Variants in ARHGAP15 observed in about 807,000 individuals in gnomAD.
ARHGAP15 encodes rho GTPase-activating protein 15.
In ARHGAP15, 51 loss-of-function variants were observed where a neutral mutation model predicts 63.7. The observed-to-expected ratio is 0.80, with a 90% CI of 0.64 to 1.01. The LOEUF is 1.01. Among genes scored for constraint, ARHGAP15 ranks in the 50% least tolerant of loss-of-function variants. The pLI is 0.00. For missense variants in ARHGAP15, 560 were observed against 564.6 expected (o/e 0.99, Z 0.08); for synonymous variants, 191 against 193.8 (o/e 0.99, Z 0.12).
intron 6 of ARHGAP15, among the ~76,000 whole-genome samples, chr2:143,324,338 G>C (rs564969667): frequency 6.6e-6 from 1 of 152,232 alleles, no homozygotes; most frequent in Admixed American, 6.5e-5. Flanking sequence ...TGGAAAAATA[G>C]TCAATGGTTT....
At chr2:143,687,211 G>A (rs1212334528) in intron 12 of ARHGAP15, among the ~76,000 whole-genome samples, 1 of 150,724 alleles carries the variant, frequency 6.6e-6, no homozygotes, top group Non-Finnish European at 1.5e-5. Context: ...AAAGGCTCAG[G>A]TATGAGAAAA....
chr2:143,616,730 G>A (rs1382718877), intron 11 of ARHGAP15, among the ~76,000 whole-genome samples: 1 of 152,154 alleles, frequency 6.6e-6, no homozygotes, highest in East Asian at 1.9e-4. Flanking sequence ...TTGCCAGAAA[G>A]GAACCATTTT....
chr2:143,763,846 T>C (rs1293205462), intron 13 of ARHGAP15, among the ~76,000 whole-genome samples: 1 of 149,672 alleles, frequency 6.7e-6, no homozygotes, highest in Non-Finnish European at 1.5e-5. Context: ...TTTGAAATAG[T>C]AAATAAGCCA....
Position 143,598,403 on chromosome 2 carries a change from T to C in ARHGAP15, c.1004-25730T>C, listed in dbSNP as rs114698451. Among the ~76,000 whole-genome samples the C allele has an allele frequency of 2.1e-3, 323 of 152,290 alleles. 1 individual carries two copies. Among genetic ancestry groups the C allele is most frequent in the African/African-American group, 7.0e-3 (290 of 41,562 alleles). ...TCTGGAAGTAAAGACTTCAGTTGTA[T>C]TAAGTGAAATACACGTGTTAAAATT... On this transcript the variant is annotated intron_variant, in intron 11 of 13. Transcript: ENST00000295095.
At chr2:143,420,708 G>A (rs1688882139) in intron 6 of ARHGAP15, among the ~76,000 whole-genome samples, 1 of 152,076 alleles carries the variant, frequency 6.6e-6, no homozygotes, top group Non-Finnish European at 1.5e-5. Flanking sequence ...ATCCTATCAG[G>A]TATCTGCCTG....
At chr2:143,481,581 CT>C (rs770363427) in intron 8 of ARHGAP15, among the ~76,000 whole-genome samples, 1 of 152,028 alleles carries the variant, frequency 6.6e-6, no homozygotes, top group African/African-American at 2.4e-5. Flanking sequence ...TGGGGGTTTT[CT>C]TTTTTGGTTC....
At chr2:143,529,040 A>G (rs563235554) in intron 10 of ARHGAP15, among the ~76,000 whole-genome samples, 8 of 152,230 alleles carry the variant, frequency 5.3e-5, no homozygotes, top group African/African-American at 1.9e-4. Flanking sequence ...GCAAATAATT[A>G]CTCAAGCTGT....
intron 3 of ARHGAP15, among the ~76,000 whole-genome samples, chr2:143,212,433 T>C (rs1051197256): frequency 2.0e-5 from 3 of 152,206 alleles, no homozygotes; most frequent in East Asian, 1.9e-4. Flanking sequence ...CTAAGGAACA[T>C]TGGACAAATA....
intron 12 of ARHGAP15, among the ~76,000 whole-genome samples, chr2:143,691,383 C>T (rs1683594107): frequency 6.6e-6 from 1 of 152,090 alleles, no homozygotes. Flanking sequence ...CATCTTAACG[C>T]ACGGCTAAGC....
intron 13 of ARHGAP15, among the ~76,000 whole-genome samples, chr2:143,722,172 A>AAC (rs758357420): frequency 7.0e-4 from 106 of 150,696 alleles, no homozygotes; most frequent in Admixed American, 2.1e-3. Context: ...CTTGAAAAGA[A>AAC]ACACACACAC....
At chr2:143,719,085 T>C (rs1426760090) in intron 13 of ARHGAP15, among the ~76,000 whole-genome samples, 2 of 152,196 alleles carry the variant, frequency 1.3e-5, no homozygotes, top group East Asian at 3.9e-4. Flanking sequence ...GTAGAACACG[T>C]TGGGACAGAA....
chr2:143,181,946 A>ATT (rs371579129), intron 2 of ARHGAP15, among the ~76,000 whole-genome samples: 50,854 of 145,222 alleles, frequency 0.35, 9,221 homozygotes, highest in East Asian at 0.46. Context: ...CTAGCTTTTG[A>ATT]TTTTTTTTTT....
At chr2:143,204,896 C>T (rs978977776) in intron 3 of ARHGAP15, among the ~76,000 whole-genome samples, 1 of 151,840 alleles carries the variant, frequency 6.6e-6, no homozygotes. Flanking sequence ...TACATCTCTG[C>T]TCTAATATCA....
At chr2:143,666,620 G>T in intron 12 of ARHGAP15, among the ~76,000 whole-genome samples, 1 of 118,708 alleles carries the variant, frequency 8.4e-6, no homozygotes, top group Non-Finnish European at 1.9e-5. Context: ...ACTACCATCA[G>T]AGTGAACAGG....
At chr2:143,346,232 T>TCTCTCACACACACACA (rs1685286844) in intron 6 of ARHGAP15, among the ~76,000 whole-genome samples, 1 of 47,616 alleles carries the variant, frequency 2.1e-5, no homozygotes, top group Non-Finnish European at 4.1e-5. Flanking sequence ...ACACACACTC[T>TCTCTCACACACACACA]CTCTCACACA....
chr2:143,217,034 A>G (rs1692783657), intron 4 of ARHGAP15, among the ~76,000 whole-genome samples: 1 of 152,122 alleles, frequency 6.6e-6, no homozygotes, highest in South Asian at 2.1e-4. Context: ...AATCACCTCC[A>G]TTTTAGAATT....
intron 1 of ARHGAP15, among the ~76,000 whole-genome samples, chr2:143,138,646 T>G (rs2104986009): frequency 6.6e-6 from 1 of 152,258 alleles, no homozygotes; most frequent in South Asian, 2.1e-4. Flanking sequence ...TGGTCTCCTC[T>G]GGATTCTATG....
chr2:143,637,521 G>T (rs112575549), intron 12 of ARHGAP15, among the ~76,000 whole-genome samples: 92 of 151,982 alleles, frequency 6.1e-4, no homozygotes, highest in African/African-American at 2.1e-3. Flanking sequence ...ACAGGAGCTG[G>T]GACCAAAACC....
At chr2:143,243,063 G>A (rs1266513723) in intron 5 of ARHGAP15, among the ~76,000 whole-genome samples, 3 of 152,184 alleles carry the variant, frequency 2.0e-5, no homozygotes, top group African/African-American at 7.2e-5. Flanking sequence ...ATAAGGGTAA[G>A]AGGCTGTGCG....
Sources: allele counts gnomAD v4.1 joint callset (sites outside exome capture counted in the v4.1 genomes callset), GRCh38; gene constraint gnomAD v4.1.1; transcripts MANE v1.5; gene names NCBI Gene and HGNC (gene_info 2026-07-23, HGNC 2026-07-21).